The following PLXNA4 variants were observed in gnomAD, a reference collection of about 807,000 sequenced individuals.
PLXNA4 encodes the protein plexin A4.
PLXNA4 carries 44 observed loss-of-function variants against 191.8 expected under a neutral mutation model. That is an observed-to-expected ratio of 0.23 (90% CI 0.18 to 0.29). The LOEUF is 0.29. PLXNA4 is among the 10% of genes least tolerant of loss of function. The pLI, the probability that PLXNA4 is intolerant of heterozygous loss-of-function variation, is 1.00. For synonymous variants in PLXNA4, 1,082 were observed against 1,009.5 expected, an observed-to-expected ratio of 1.07 and a Z score of -1.36; for missense variants, 1,800 against 2,488.8, an observed-to-expected ratio of 0.72 and a Z score of 5.89.
chr7:132,201,509 T>C (rs1301379988), intron 12 of PLXNA4, among the ~76,000 whole-genome samples: 2 of 152,204 alleles, frequency 1.3e-5, no homozygotes, highest in Non-Finnish European at 2.9e-5. Context: ...TCGTCCTCAC[T>C]GTTCACTGAG....
rs1218424700 is a variant in PLXNA4, at chr7:132,272,056, GGAGAAACACAT to G, written c.1503+26024_1503+26034del. Among the ~76,000 whole-genome samples the G allele has an allele frequency of 5.9e-5, 9 of 152,288 alleles. No individual in the cohort carries two copies. In the East Asian group the frequency reaches 1.5e-3, roughly 26 times the overall value. The stretch of plus-strand genomic sequence containing the variant: ...AGGGGGAAGACACTTGTTACCAGGA[GGAGAAACACAT>G]GAGGGTTTAGGTAGGTTTTTCTTCT... On this transcript the variant is annotated intron_variant, in intron 4 of 31. Transcript: ENST00000321063.
intron 25 of PLXNA4, among the ~76,000 whole-genome samples, chr7:132,154,930 A>G (rs1029897905): frequency 1.3e-5 from 2 of 152,248 alleles, no homozygotes; most frequent in African/African-American, 4.8e-5. Flanking sequence ...AATAAAAAAT[A>G]AAGAAAAATC....
At chr7:132,572,768 A>G (rs1025658031) in intron 1 of PLXNA4, among the ~76,000 whole-genome samples, 5 of 152,196 alleles carry the variant, frequency 3.3e-5, no homozygotes, top group African/African-American at 1.2e-4. Context: ...AGAGGGGATC[A>G]GGTGGGAGTC....
intron 14 of PLXNA4, among the ~76,000 whole-genome samples, chr7:132,192,706 C>A (rs374264571): frequency 6.6e-6 from 1 of 152,116 alleles, no homozygotes; most frequent in Non-Finnish European, 1.5e-5. Flanking sequence ...GAAATTATAC[C>A]ATTACAGCTG....
At chr7:132,476,205 TAGAC>T in intron 3 of PLXNA4, among the ~76,000 whole-genome samples, 2 of 152,238 alleles carry the variant, frequency 1.3e-5, no homozygotes, top group Middle Eastern at 3.4e-3. Context: ...GTGAAGAGCT[TAGAC>T]AGAATCAAAG....
chr7:132,318,939 C>A (rs1247241351), intron 3 of PLXNA4, among the ~76,000 whole-genome samples: 1 of 152,070 alleles, frequency 6.6e-6, no homozygotes, highest in African/African-American at 2.4e-5. Context: ...GGCAGTGCTG[C>A]GACAGTCGGG....
chr7:132,457,017 T>C (rs879198282), intron 3 of PLXNA4, among the ~76,000 whole-genome samples: 4 of 152,236 alleles, frequency 2.6e-5, no homozygotes, highest in Non-Finnish European at 5.9e-5. Context: ...TTTGGAGCTT[T>C]TTCTCTGGTA....
At chr7:132,334,264 T>C (rs1303952563) in intron 3 of PLXNA4, among the ~76,000 whole-genome samples, 1 of 141,114 alleles carries the variant, frequency 7.1e-6, no homozygotes, top group Admixed American at 7.1e-5. Flanking sequence ...TTTTTTTTTT[T>C]TTTTTTTTTT....
chr7:132,267,067 G>A (rs371388528), intron 4 of PLXNA4, among the ~76,000 whole-genome samples: 4 of 152,110 alleles, frequency 2.6e-5, no homozygotes, highest in Admixed American at 6.5e-5. Context: ...TGAAACTGTC[G>A]CAAGGCTTGG....
chr7:132,282,692 T>C (rs1013892282), intron 4 of PLXNA4, among the ~76,000 whole-genome samples: 1 of 143,440 alleles, frequency 7.0e-6, no homozygotes, highest in Admixed American at 7.1e-5. Flanking sequence ...TTCTCCCCTT[T>C]CTTCATCGGA....
chr7:132,350,733 T>G (rs1302525337), intron 3 of PLXNA4, among the ~76,000 whole-genome samples: 2 of 152,168 alleles, frequency 1.3e-5, no homozygotes, highest in African/African-American at 4.8e-5. Flanking sequence ...GCCTGGCACC[T>G]TCTCAAGTGG....
rs1490492120 is a variant in PLXNA4, at chr7:132,508,655, G to A, written c.39C>T (p.Ser13=). ...AMPWNWTCLL[S]HLLMVGMGSS... is the part of the protein sequence containing the mutation. ...AGCCCATGCCCACCATGAGGAGGTG[G>A]GAGAGAAGGCAGGTCCAGTTCCAGG... Residue 13 remains serine (S), a synonymous_variant, in exon 2 of 32, where the codon TCC becomes TCT. Coordinates refer to ENST00000321063, the MANE Select transcript of PLXNA4 (RefSeq NM_020911.2). The surrounding 1 kb of genome is among the most constrained non-coding windows in gnomAD (Gnocchi z 4.4). 1 of 1,575,018 alleles carries A rather than the reference G, an allele frequency of 6.3e-7. No individual in the cohort carries two copies. The highest frequency in any genetic ancestry group is 8.6e-7 in the Non-Finnish European group (1 of 1,160,316).
At chr7:132,227,409 G>A (rs767920358) in intron 7 of PLXNA4, 42 bp downstream of exon 7, 2 of 1,612,866 alleles carry the variant, frequency 1.2e-6, no homozygotes, top group Non-Finnish European at 1.7e-6. Flanking sequence ...TATCTAGCCA[G>A]GAGGAAGAAG....
chr7:132,562,052 T>C (rs1468066932), intron 1 of PLXNA4, among the ~76,000 whole-genome samples: 133 of 40,162 alleles, frequency 3.3e-3, no homozygotes, highest in Non-Finnish European at 3.9e-3. Flanking sequence ...CCTCCTCCTC[T>C]CCCTCCTCCT....
intron 3 of PLXNA4, among the ~76,000 whole-genome samples, chr7:132,334,137 G>T (rs1420084331): frequency 6.6e-6 from 1 of 152,094 alleles, no homozygotes; most frequent in East Asian, 1.9e-4. Context: ...GGAAGCTGTA[G>T]GGAGGGGGAA....
At chr7:132,255,420 C>T (rs908976157) in intron 4 of PLXNA4, among the ~76,000 whole-genome samples, 1 of 152,180 alleles carries the variant, frequency 6.6e-6, no homozygotes, top group Non-Finnish European at 1.5e-5. Flanking sequence ...ACCTAACACC[C>T]AGCATCTGTC....
chr7:132,344,433 G>A (rs1392173345), intron 3 of PLXNA4, among the ~76,000 whole-genome samples: 1 of 152,166 alleles, frequency 6.6e-6, no homozygotes, highest in Admixed American at 6.5e-5. Flanking sequence ...CAGTGCAATG[G>A]AGGGCTACCT....
At position 132,507,758 on chromosome 7, in the gene PLXNA4, A is replaced by T. The variant is rs1798532289; in HGVS notation, c.936T>A (p.Ala312=). 1 of 1,614,038 alleles carries T rather than the reference A, an allele frequency of 6.2e-7. No homozygotes were observed. The highest frequency in any genetic ancestry group is 1.7e-5 in the Admixed American group (1 of 60,002). Residue 312 remains alanine, a synonymous_variant, in exon 2 of 32, where the codon GCT becomes GCA. Transcript: ENST00000321063. The part of the protein sequence containing the change: ...RSGVEYRLLQ[A]AYLSKAGAVL... ...CGGCCCCCGCTTTGGACAGGTAGGC[A>T]GCCTGCAGCAGGCGGTACTCCACCC...
chr7:132,423,542 A>T (rs1794926757), intron 3 of PLXNA4, among the ~76,000 whole-genome samples: 3 of 152,210 alleles, frequency 2.0e-5, no homozygotes, highest in African/African-American at 7.2e-5. Flanking sequence ...AGTCACATGT[A>T]TGCCCATCCA....
Sources: allele counts gnomAD v4.1 joint callset (sites outside exome capture counted in the v4.1 genomes callset), GRCh38; gene constraint gnomAD v4.1.1; non-coding constraint Gnocchi (gnomAD v3.1); transcripts MANE v1.5; gene names NCBI Gene and HGNC (gene_info 2026-07-23, HGNC 2026-07-21).